The following FYB1 variants were observed in gnomAD, a reference collection of about 807,000 sequenced individuals.
FYB1 encodes FYN binding protein 1.
In FYB1, 41 loss-of-function variants were observed where a neutral mutation model predicts 94.1. The observed-to-expected ratio is 0.44, with a 90% confidence interval of 0.34 to 0.57. The LOEUF is 0.57. FYB1 is among the 20% of genes least tolerant of loss of function. The pLI is 0.02. For synonymous variants in FYB1, 367 were observed against 353.2 expected (o/e 1.04, Z -0.44); for missense variants, 1,050 against 976.8 (o/e 1.07, Z -1.00).
At chr5:39,229,680 A>G (rs768632129) in intron 1 of FYB1, among the ~76,000 whole-genome samples, 1 of 152,188 alleles carries the variant, frequency 6.6e-6, no homozygotes, top group Non-Finnish European at 1.5e-5. Context: ...GTCTAGTTTA[A>G]TCCTCATAAT....
chr5:39,209,420 G>A (rs1406606116), intron 1 of FYB1, among the ~76,000 whole-genome samples: 1 of 151,648 alleles, frequency 6.6e-6, no homozygotes, highest in Non-Finnish European at 1.5e-5. Context: ...TCTGCCTCCT[G>A]GGTTCAAGCG....
chr5:39,142,193 C>T (rs1742252556), intron 3 of FYB1, among the ~76,000 whole-genome samples: 1 of 152,070 alleles, frequency 6.6e-6, no homozygotes, highest in African/African-American at 2.4e-5. Context: ...TTCTACAATC[C>T]CATCACTCTT....
Position 39,185,528 on chromosome 5 carries a change from AT to A in FYB1, c.1135+16297del, listed in dbSNP as rs1294446299. 9.5e-3 allele frequency among the ~76,000 whole-genome samples: 787 copies of A among 83,112 alleles called. 8 individuals carry two copies. Among genetic ancestry groups the A allele is most frequent in the East Asian group, 0.034 (31 of 904 alleles). The allele number at this position is 83,112 out of a possible 152,430, so 54.5% of individuals were successfully genotyped here. On this transcript the variant is annotated intron_variant, in intron 2 of 18. Transcript: ENST00000512982. Reference sequence around the variant, plus strand: ...AAAGATAACTGACTAAAAAAAAAATATATATATATATATGATATATATGATA... The same window carrying A: ...AAAGATAACTGACTAAAAAAAAAATAATATATATATATGATATATATGATA...
intron 1 of FYB1, among the ~76,000 whole-genome samples, chr5:39,230,685 A>G (rs939700990): frequency 5.3e-5 from 8 of 152,048 alleles, no homozygotes; most frequent in African/African-American, 4.8e-5. Context: ...GTAAAAATGT[A>G]TTATTACTTC....
chr5:39,159,511 T>G (rs1744059122), intron 2 of FYB1, among the ~76,000 whole-genome samples: 1 of 152,168 alleles, frequency 6.6e-6, no homozygotes, highest in East Asian at 1.9e-4. Context: ...TCTTACCACA[T>G]TTACCATAAA....
At chr5:39,134,071 G>A in intron 9 of FYB1, 137 bp downstream of exon 9, 1 of 576,132 alleles carries the variant, frequency 1.7e-6, no homozygotes, top group Non-Finnish European at 3.0e-6. Flanking sequence ...CCCATGTTGG[G>A]GTTATTGTAA....
At chr5:39,145,800 G>A (rs188227246) in intron 3 of FYB1, among the ~76,000 whole-genome samples, 3 of 151,794 alleles carry the variant, frequency 2.0e-5, no homozygotes, top group Non-Finnish European at 4.4e-5. Context: ...CATGCTGTCT[G>A]AACTCTCTCT....
chr5:39,154,545 C>A (rs1743573132), intron 2 of FYB1, among the ~76,000 whole-genome samples: 1 of 149,430 alleles, frequency 6.7e-6, no homozygotes, highest in African/African-American at 2.5e-5. Flanking sequence ...CTAGCTCTGT[C>A]GCCCAGGCTG....
chr5:39,270,502 G>A, intron 1 of FYB1: 1 of 1,449,692 alleles, frequency 6.9e-7, no homozygotes, highest in Non-Finnish European at 9.3e-7. Flanking sequence ...AACTCTGACT[G>A]TTCTATGCAG....
chr5:39,230,849 A>G (rs1428800417), intron 1 of FYB1, among the ~76,000 whole-genome samples: 1 of 33,496 alleles, frequency 3.0e-5, no homozygotes, highest in Non-Finnish European at 2.1e-4. Context: ...CAGTATACAC[A>G]CACACACACA....
At position 39,141,179 on chromosome 5, in the gene FYB1, A is replaced by G. The variant is rs758398592; in HGVS notation, c.1293-38T>C. 7 of 1,344,378 alleles carry G rather than the reference A, an allele frequency of 5.2e-6. No homozygotes were observed. In the South Asian group the frequency reaches 8.7e-5, roughly 17 times the overall value. The allele number at this position is 1,344,378 out of a possible 1,614,324, so 83.3% of individuals were successfully genotyped here. A position where few individuals can be genotyped will look rare whatever the true frequency, so the allele number is the denominator to read the frequency against. ...AAGAAGAAACAGTGAACATGGAACAAGTAGATGCTCACCTTACAATGAAAA... is the reference window on the plus strand; with the variant it reads ...AAGAAGAAACAGTGAACATGGAACAGGTAGATGCTCACCTTACAATGAAAA... On this transcript the variant is annotated intron_variant, in intron 3 of 18. Transcript: ENST00000512982.
intron 14 of FYB1, among the ~76,000 whole-genome samples, chr5:39,121,251 T>C (rs563676385): frequency 3.6e-4 from 54 of 148,034 alleles, no homozygotes; most frequent in African/African-American, 1.3e-3. Context: ...TGAGAAATAG[T>C]AAAACCTGAA....
chr5:39,229,240 G>C (rs1750617561), intron 1 of FYB1, among the ~76,000 whole-genome samples: 1 of 152,170 alleles, frequency 6.6e-6, no homozygotes, highest in African/African-American at 2.4e-5. Flanking sequence ...AGGACTCTGA[G>C]CTTGTTGGAA....
At chr5:39,110,971 A>G (rs1181623375) in intron 16 of FYB1, among the ~76,000 whole-genome samples, 2 of 152,010 alleles carry the variant, frequency 1.3e-5, no homozygotes, top group Non-Finnish European at 2.9e-5. Context: ...ATTGGACAGT[A>G]TCAACATTTG....
At chr5:39,236,919 A>G (rs540699435) in intron 1 of FYB1, among the ~76,000 whole-genome samples, 1 of 152,264 alleles carries the variant, frequency 6.6e-6, no homozygotes, top group South Asian at 2.1e-4. Flanking sequence ...GCAGGTACTT[A>G]AGACTACAAG....
chr5:39,206,632 T>G (rs1046851120), intron 1 of FYB1, among the ~76,000 whole-genome samples: 1 of 152,204 alleles, frequency 6.6e-6, no homozygotes, highest in Non-Finnish European at 1.5e-5. Context: ...ACCAGTACAG[T>G]ATGAGTTTAT....
chr5:39,207,928 A>C (rs1023046069), intron 1 of FYB1, among the ~76,000 whole-genome samples: 1 of 152,212 alleles, frequency 6.6e-6, no homozygotes, highest in South Asian at 2.1e-4. Context: ...AAGAATTATC[A>C]GTCCAAAATG....
intron 2 of FYB1, among the ~76,000 whole-genome samples, chr5:39,178,394 A>G (rs1232284045): frequency 1.3e-5 from 2 of 152,212 alleles, no homozygotes; most frequent in Non-Finnish European, 2.9e-5. Flanking sequence ...ACAGTTTTAC[A>G]AGCACTTTAG....
intron 10 of FYB1, among the ~76,000 whole-genome samples, chr5:39,128,682 G>A (rs932392365): frequency 2.0e-5 from 3 of 152,128 alleles, no homozygotes; most frequent in African/African-American, 7.2e-5. Flanking sequence ...GGCTTACTCT[G>A]AGTCACTTGC....
Sources: gnomAD v4.1 joint callset for allele counts (sites outside exome capture counted in the v4.1 genomes callset) on GRCh38, gnomAD v4.1.1 for gene constraint, MANE v1.5 for transcripts, NCBI Gene and HGNC (gene_info 2026-07-23, HGNC 2026-07-21) for gene names.